The following XKR4 variants were observed in gnomAD, a reference collection of about 807,000 sequenced individuals.
The protein encoded by XKR4 is XK related 4.
XKR4 carries 12 observed loss-of-function variants against 53.9 expected under a neutral mutation model. The ratio of observed to expected loss-of-function variants is 0.22; its 90% confidence interval spans 0.14 to 0.36. The LOEUF (loss-of-function observed/expected upper bound fraction) is 0.36, where lower values mean the gene tolerates loss of function less well. Ranked by LOEUF, XKR4 falls within the 10% of genes least tolerant of loss-of-function variation. The probability of loss-of-function intolerance (pLI) is 1.00; values close to 1 mark genes in which losing one functional copy is unlikely to be tolerated. For synonymous variants in XKR4, 354 were observed against 362.4 expected (o/e 0.98, Z 0.26); for missense variants, 799 against 859.5 (o/e 0.93, Z 0.88).
intron 2 of XKR4, among the ~76,000 whole-genome samples, chr8:55,432,120 G>A (rs566343022): frequency 3.9e-5 from 6 of 152,252 alleles, no homozygotes; most frequent in African/African-American, 7.2e-5. Context: ...TCCAGGAGAA[G>A]GCTCACTGCA....
intron 2 of XKR4, among the ~76,000 whole-genome samples, chr8:55,384,249 G>T (rs1168153048): frequency 6.6e-6 from 1 of 152,210 alleles, no homozygotes; most frequent in Non-Finnish European, 1.5e-5. Flanking sequence ...GTTGGAGTCG[G>T]GTCTTCCTTC....
intron 1 of XKR4, among the ~76,000 whole-genome samples, chr8:55,248,980 T>C (rs1563492878): frequency 6.6e-6 from 1 of 152,178 alleles, no homozygotes; most frequent in Non-Finnish European, 1.5e-5. Flanking sequence ...CGCAGATTCC[T>C]TTGGCAGAAT....
At chr8:55,185,853 T>C (rs2129360375) in intron 1 of XKR4, among the ~76,000 whole-genome samples, 1 of 152,304 alleles carries the variant, frequency 6.6e-6, no homozygotes, top group South Asian at 2.1e-4. Flanking sequence ...CCTACCACTT[T>C]TGATCATTCT....
At chr8:55,218,040 A>G (rs895232413) in intron 1 of XKR4, among the ~76,000 whole-genome samples, 6 of 152,138 alleles carry the variant, frequency 3.9e-5, no homozygotes, top group Non-Finnish European at 7.4e-5. Context: ...TGTTTGTCTC[A>G]AAAAAATAAT....
intron 1 of XKR4, among the ~76,000 whole-genome samples, chr8:55,256,631 G>C (rs182481805): frequency 1.1e-4 from 17 of 152,328 alleles, no homozygotes; most frequent in Admixed American, 1.1e-3. Context: ...AATGCTGATG[G>C]AGGAATGGGA....
intron 1 of XKR4, among the ~76,000 whole-genome samples, chr8:55,188,724 A>C (rs1465168679): frequency 6.6e-6 from 1 of 152,236 alleles, no homozygotes; most frequent in African/African-American, 2.4e-5. Flanking sequence ...AAGATGGGTG[A>C]CAAAATCATG....
Position 55,532,584 on chromosome 8 carries a change from A to AGG in XKR4, c.*8358_*8359dup, listed in dbSNP as rs1264750939. The AGG allele has an allele frequency of 6.6e-6, 1 of 152,074 alleles. No individual in the cohort carries two copies. The highest frequency in any genetic ancestry group is 1.5e-5 in the Non-Finnish European group (1 of 68,024). The allele number at this position is 152,074 out of a possible 1,614,324, so 9.4% of individuals were successfully genotyped here. ...GCTGAGGCGGGCGGATCACAAGGTCAGGAGATCGAGACCATCCTGGCTAAC... is the reference window on the plus strand; with the variant it reads ...GCTGAGGCGGGCGGATCACAAGGTCAGGGGAGATCGAGACCATCCTGGCTAAC... On this transcript the variant is annotated 3_prime_UTR_variant, in exon 3 of 3. Transcript: ENST00000327381.
At chr8:55,228,579 GA>G (rs147518813) in intron 1 of XKR4, among the ~76,000 whole-genome samples, 1,807 of 148,068 alleles carry the variant, frequency 0.012, 14 homozygotes, top group Non-Finnish European at 0.021. Flanking sequence ...TCCCCACAAA[GA>G]AAAAAAAAAT....
intron 1 of XKR4, among the ~76,000 whole-genome samples, chr8:55,357,387 A>G (rs978246934): frequency 2.0e-5 from 3 of 152,120 alleles, no homozygotes; most frequent in Non-Finnish European, 4.4e-5. Flanking sequence ...TTAAAGTAGC[A>G]AACCCATTCT....
intron 1 of XKR4, among the ~76,000 whole-genome samples, chr8:55,245,657 T>A (rs1818274913): frequency 6.6e-6 from 1 of 152,212 alleles, no homozygotes; most frequent in Non-Finnish European, 1.5e-5. Context: ...AGAAGCCTGC[T>A]GCTCCAAGAG....
intron 2 of XKR4, among the ~76,000 whole-genome samples, chr8:55,468,609 A>G (rs1456369058): frequency 6.6e-6 from 1 of 152,158 alleles, no homozygotes; most frequent in South Asian, 2.1e-4. Context: ...AAATCACTTT[A>G]TATCTATTAA....
chr8:55,433,568 A>G (rs887132929), intron 2 of XKR4, among the ~76,000 whole-genome samples: 4 of 152,248 alleles, frequency 2.6e-5, no homozygotes, highest in African/African-American at 9.6e-5. Flanking sequence ...ATTTCACCCA[A>G]GAAAAAAGGC....
At position 55,525,585 on chromosome 8, in the gene XKR4, T is replaced by C. The variant is rs1165766616; in HGVS notation, c.*1358T>C. 2.0e-5 allele frequency: 3 copies of C among 152,682 alleles called. No individual in the cohort carries two copies. The highest frequency in any genetic ancestry group is 2.9e-5 in the Non-Finnish European group (2 of 68,054). The allele number at this position is 152,682 out of a possible 1,614,324, so 9.5% of individuals were successfully genotyped here. On this transcript the variant is annotated 3_prime_UTR_variant, in exon 3 of 3. Coordinates refer to ENST00000327381, the MANE Select transcript of XKR4 (RefSeq NM_052898.2). ...AGCTTCTGGGTTTTAAATACCTCCG[T>C]ACAGCAAGTAAACGTTCCCCGCTTT...
intron 1 of XKR4, among the ~76,000 whole-genome samples, chr8:55,267,211 T>A (rs1223098005): frequency 6.6e-6 from 1 of 151,470 alleles, no homozygotes; most frequent in Non-Finnish European, 1.5e-5. Flanking sequence ...TAATAAGGAA[T>A]ATCCAAACTA....
At chr8:55,508,053 A>C (rs1806570286) in intron 2 of XKR4, among the ~76,000 whole-genome samples, 1 of 152,272 alleles carries the variant, frequency 6.6e-6, no homozygotes, top group African/African-American at 2.4e-5. Context: ...GGTCATTTCC[A>C]TTTAAAAGTC....
At chr8:55,489,536 T>C (rs1335013675) in intron 2 of XKR4, among the ~76,000 whole-genome samples, 1 of 152,146 alleles carries the variant, frequency 6.6e-6, no homozygotes, top group Non-Finnish European at 1.5e-5. Flanking sequence ...TGGCTCCTCA[T>C]GTTGTGTTAC....
At chr8:55,232,058 T>C (rs1818049601) in intron 1 of XKR4, among the ~76,000 whole-genome samples, 1 of 152,204 alleles carries the variant, frequency 6.6e-6, no homozygotes, top group Admixed American at 6.5e-5. Flanking sequence ...AAGACATGGG[T>C]GGTTCAAAAT....
chr8:55,512,359 G>C (rs932261591), intron 2 of XKR4, among the ~76,000 whole-genome samples: 17 of 152,096 alleles, frequency 1.1e-4, no homozygotes, highest in Admixed American at 1.3e-4. Flanking sequence ...CCCTTTGTCT[G>C]GGATATCATG....
intron 2 of XKR4, among the ~76,000 whole-genome samples, chr8:55,506,728 A>G (rs1182990699): frequency 6.6e-6 from 1 of 152,206 alleles, no homozygotes; most frequent in Non-Finnish European, 1.5e-5. Flanking sequence ...CAACTCAGAG[A>G]TGAAAAGTCC....
Sources: allele counts gnomAD v4.1 joint callset (sites outside exome capture counted in the v4.1 genomes callset), GRCh38; gene constraint gnomAD v4.1.1; transcripts MANE v1.5; gene names NCBI Gene and HGNC (gene_info 2026-07-23, HGNC 2026-07-21).